The following RIF1 variants were observed in gnomAD, a reference collection of about 807,000 sequenced individuals.
RIF1 encodes the protein replication timing regulatory factor 1.
A neutral mutation model predicts 247.1 loss-of-function variants in RIF1; 45 were observed. That is an observed-to-expected ratio of 0.18 (90% CI 0.14 to 0.23). The LOEUF (loss-of-function observed/expected upper bound fraction) is 0.23, where lower values mean the gene tolerates loss of function less well. Among genes scored for constraint, RIF1 ranks in the 10% least tolerant of loss-of-function variants. The pLI is 1.00. For synonymous variants in RIF1, 1,087 were observed against 978.8 expected (o/e 1.11, Z -2.06); for missense variants, 2,967 against 2,862.5 (o/e 1.04, Z -0.83).
intron 20 of RIF1, among the ~76,000 whole-genome samples, chr2:151,447,539 ATTAT>A (rs899746409): frequency 4.6e-5 from 7 of 151,878 alleles, no homozygotes; most frequent in African/African-American, 7.2e-5. Flanking sequence ...TTGGAATTCT[ATTAT>A]TTATTTATTT....
Position 151,462,261 on chromosome 2 carries a change from TATA to T in RIF1, c.3253_3255del (p.Asn1085del), listed in dbSNP as rs779293088. 6.3e-7 allele frequency: 1 copy of T among 1,586,084 alleles called. No individual in the cohort carries two copies. Among genetic ancestry groups the T allele is most frequent in the African/African-American group, 1.3e-5 (1 of 74,528 alleles). On this transcript the variant is annotated inframe_deletion, in exon 28 of 36. Transcript: ENST00000444746. ...TTTCAGGTGTGATATTCCTGCCATG[TATA>T]ATAATCTGGATGTTTCCCAAGATAC... is the stretch of plus-strand genomic sequence containing the variant.
intron 16 of RIF1, among the ~76,000 whole-genome samples, chr2:151,442,198 C>T (rs573831393): frequency 5.3e-5 from 8 of 151,792 alleles, no homozygotes; most frequent in Non-Finnish European, 1.0e-4. Context: ...GCCTCAACCT[C>T]CCGAGTAGCT....
chr2:151,435,367 T>C, intron 10 of RIF1, 96 bp from the exon 11 acceptor site: 2 of 767,390 alleles, frequency 2.6e-6, no homozygotes, highest in South Asian at 3.4e-5. Context: ...ATGGAATATA[T>C]TAAGGCTCCA....
At chr2:151,524,547 T>C in the RIF1 span, 6 of 1,613,854 alleles carry the variant, frequency 3.7e-6, no homozygotes, top group East Asian at 1.3e-4. Context: ...TGTGTGGCCT[T>C]CTTGATGTCT....
At chr2:151,447,647 G>A (rs1693555229) in intron 20 of RIF1, among the ~76,000 whole-genome samples, 1 of 152,214 alleles carries the variant, frequency 6.6e-6, no homozygotes, top group African/African-American at 2.4e-5. Context: ...CTGGGTTCAA[G>A]CGATTCTTCT....
At chr2:151,530,096 A>G in the RIF1 span, among the ~76,000 whole-genome samples, 1 of 152,214 alleles carries the variant, frequency 6.6e-6, no homozygotes, top group African/African-American at 2.4e-5. Context: ...CTTAAGGGCA[A>G]AAACTGTTTA....
In RIF1 at chr2:151,474,090, T is replaced by C. The variant is rs1331978224; in HGVS notation, c.7204+18T>C. ...TGTCTCAGGTATATTTTAGCAAAAG[T>C]GGGATAATTTTATTTAGAAGATCAG... On this transcript the variant is annotated intron_variant, in intron 35 of 35. Coordinates refer to ENST00000444746, the MANE Select transcript of RIF1 (RefSeq NM_018151.5). The C allele has an allele frequency of 1.7e-6, 2 of 1,161,056 alleles. No individual in the cohort carries two copies. The highest frequency in any genetic ancestry group is 4.7e-5 in the East Asian group (2 of 42,360). 71.9% of individuals were successfully genotyped at this position (1,161,056 alleles called of 1,614,324 possible). A position where few individuals can be genotyped will look rare whatever the true frequency, so the allele number is the denominator to read the frequency against.
At chr2:151,505,159 A>G (rs2067819635) in intron 12 of RIF1, among the ~76,000 whole-genome samples, 1 of 152,228 alleles carries the variant, frequency 6.6e-6, no homozygotes, top group Non-Finnish European at 1.5e-5. Context: ...GATCATCCCA[A>G]TAACCTTATT....
intron 15 of RIF1, among the ~76,000 whole-genome samples, chr2:151,441,092 A>G (rs1410840717): frequency 1.3e-5 from 2 of 152,306 alleles, no homozygotes; most frequent in Middle Eastern, 3.4e-3. Flanking sequence ...GCATGCTGAC[A>G]TGCCTCTAGT....
chr2:151,509,159 A>G (rs1210869314), downstream of RIF1, among the ~76,000 whole-genome samples: 1 of 151,118 alleles, frequency 6.6e-6, no homozygotes, highest in Admixed American at 6.6e-5. Flanking sequence ...TGCCAGAGAC[A>G]ACAAACAAGC....
intron 20 of RIF1, among the ~76,000 whole-genome samples, chr2:151,449,278 T>A (rs1184915067): frequency 6.6e-6 from 1 of 152,204 alleles, no homozygotes; most frequent in African/African-American, 2.4e-5. Flanking sequence ...TGTTTTTTTC[T>A]GCATGTATAT....
At position 151,469,857 on chromosome 2, in the gene RIF1, A is replaced by G. The variant is rs760733681; in HGVS notation, c.7088A>G (p.Glu2363Gly). ...NVKKALRIYH[E>G]QQVKTRGLEE... ...AAAAAGGCTCTCAGAATATATCATG[A>G]GCAGCAGGTAAAAACTTAGATATTA... Residue 2363 changes from glutamate to glycine, a missense_variant, in exon 34 of 36, where the codon GAG becomes GGG. Transcript: ENST00000444746. 36 of 1,598,798 alleles carry G rather than the reference A, an allele frequency of 2.3e-5. No homozygotes were observed. In the Admixed American group the frequency reaches 3.2e-4, roughly 14 times the overall value.
chr2:151,446,595 A>T lies in RIF1; in HGVS notation c.2244+20A>T, dbSNP rs753885585. The T allele has an allele frequency of 6.9e-6, 11 of 1,601,068 alleles. No homozygotes were observed. The highest frequency in any genetic ancestry group is 9.3e-6 in the Non-Finnish European group (11 of 1,176,900). ...TTTTCTGTGAGTTTGTCCTGATGCT[A>T]CCTTTTTTTGTTTGTTTTTAAAGGA... On this transcript the variant is annotated intron_variant, in intron 20 of 35. Coordinates refer to ENST00000444746, the MANE Select transcript of RIF1 (RefSeq NM_018151.5).
At chr2:151,489,888 C>A (rs1471981979) in intron 9 of RIF1, 6 of 1,042,350 alleles carry the variant, frequency 5.8e-6, no homozygotes, top group Non-Finnish European at 7.3e-6. Flanking sequence ...TTAAAAAAAA[C>A]CGTAATACCT....
chr2:151,449,163 AG>A (rs1247128705), intron 20 of RIF1, among the ~76,000 whole-genome samples: 1 of 152,202 alleles, frequency 6.6e-6, no homozygotes, highest in East Asian at 1.9e-4. Context: ...TTGTTGCTGA[AG>A]GACATAAAAG....
chr2:151,531,308 C>CTTT, the RIF1 span, among the ~76,000 whole-genome samples: 4 of 84,010 alleles, frequency 4.8e-5, no homozygotes, highest in Admixed American at 1.8e-4. Flanking sequence ...TTTTTTCTTT[C>CTTT]TTTTTTTTTT....
chr2:151,429,032 T>A, intron 9 of RIF1, 110 bp downstream of exon 9: 1 of 657,918 alleles, frequency 1.5e-6, no homozygotes, highest in Non-Finnish European at 2.6e-6. Flanking sequence ...AAGTAACTAC[T>A]GAATTATTTT....
intron 11 of RIF1, among the ~76,000 whole-genome samples, chr2:151,499,995 A>G (rs1166246792): frequency 2.0e-5 from 3 of 152,228 alleles, no homozygotes; most frequent in African/African-American, 7.2e-5. Flanking sequence ...TAAGGTTTCA[A>G]ATAGATACAA....
chr2:151,490,244 A>G, intron 9 of RIF1: 9 of 1,258,328 alleles, frequency 7.2e-6, no homozygotes, highest in Middle Eastern at 4.4e-4. Context: ...CCACAATTCT[A>G]GTCTTTTCTC....
Sources: gnomAD v4.1 joint callset for allele counts (sites outside exome capture counted in the v4.1 genomes callset) on GRCh38, gnomAD v4.1.1 for gene constraint, MANE v1.5 for transcripts, NCBI Gene and HGNC (gene_info 2026-07-23, HGNC 2026-07-21) for gene names.